CHERP: variants seen among roughly 807,000 people sequenced by gnomAD.
The protein encoded by CHERP is ERPROT 213-21.
A neutral mutation model predicts 113.8 loss-of-function variants in CHERP; 8 were observed. The ratio of observed to expected loss-of-function variants is 0.07; its 90% CI spans 0.04 to 0.13. The LOEUF (loss-of-function observed/expected upper bound fraction) is 0.13, where lower values mean the gene tolerates loss of function less well. CHERP is among the 10% of genes least tolerant of loss of function. The pLI is 1.00. For missense variants in CHERP, 884 were observed against 1,298.2 expected (o/e 0.68, Z 4.90); for synonymous variants, 559 against 524.5 (o/e 1.07, Z -0.90).
intron 2 of CHERP, among the ~76,000 whole-genome samples, chr19:16,538,049 G>A (rs2085753134): frequency 6.6e-6 from 1 of 152,104 alleles, no homozygotes; most frequent in East Asian, 1.9e-4. Flanking sequence ...GTGCAGAACT[G>A]GCTGTACTGT....
chr19:16,523,432 G>A lies in CHERP; in HGVS notation c.1742-142C>T, dbSNP rs2085635291. 2 of 959,970 alleles carry A rather than the reference G, an allele frequency of 2.1e-6. No individual in the cohort carries two copies. Among genetic ancestry groups the A allele is most frequent in the East Asian group, 2.9e-5 (1 of 34,866 alleles). 59.5% of individuals were successfully genotyped at this position (959,970 alleles called of 1,614,324 possible). A position where few individuals can be genotyped will look rare whatever the true frequency, so the allele number is the denominator to read the frequency against. ...TCCAGCATCTTCTCTCACTGCTTAA[G>A]ACCAGGCAGCAAGGCACCGAGGAGC... On this transcript the variant is annotated intron_variant, in intron 10 of 16. Transcript: ENST00000546361. The surrounding 1 kb of genome is among the most constrained non-coding windows in gnomAD (Gnocchi z 4.0).
intron 3 of CHERP, among the ~76,000 whole-genome samples, chr19:16,533,480 G>C (rs2085720731): frequency 6.6e-6 from 1 of 152,210 alleles, no homozygotes; most frequent in Admixed American, 6.5e-5. Context: ...AACAAAGGCG[G>C]GGCGCGGTGG....
rs1422362817 is a variant in CHERP, at chr19:16,542,335, C to T, written c.25+19G>A. 30 of 1,413,394 alleles carry T rather than the reference C, an allele frequency of 2.1e-5. No homozygotes were observed. The highest frequency in any genetic ancestry group is 9.0e-5 in the Admixed American group (3 of 33,438). The allele number at this position is 1,413,394 out of a possible 1,614,324, so 87.6% of individuals were successfully genotyped here. ...TTCCGGGGAGAGAGAAACGGTCTCT[C>T]GGCCGGTTTGGGTCTCACCATCGGG... On this transcript the variant is annotated intron_variant, in intron 1 of 16. Coordinates refer to ENST00000546361, the MANE Select transcript of CHERP (RefSeq NM_006387.6).
rs556172922 is a variant in CHERP at position 16,532,390 on chromosome 19, C to T, written c.674+208G>A. The T allele has an allele frequency of 4.1e-5, 24 of 590,952 alleles. No homozygotes were observed. Among genetic ancestry groups the T allele is most frequent in the African/African-American group, 2.4e-4 (13 of 53,646 alleles). The allele number at this position is 590,952 out of a possible 1,614,324, so 36.6% of individuals were successfully genotyped here. A position where few individuals can be genotyped will look rare whatever the true frequency, so the allele number is the denominator to read the frequency against. On this transcript the variant is annotated intron_variant, in intron 5 of 16. Coordinates refer to ENST00000546361, the MANE Select transcript of CHERP (RefSeq NM_006387.6). The surrounding 1 kb of genome is among the most constrained non-coding windows in gnomAD (Gnocchi z 4.4). ...CTAGGGGAGAGGACAGGGCATGCAGCGAAGGTGCACAGGACACCTAGACCT... is the reference window on the plus strand; with the variant it reads ...CTAGGGGAGAGGACAGGGCATGCAGTGAAGGTGCACAGGACACCTAGACCT...
rs12460141 is a variant in CHERP, at chr19:16,519,413, G to C, written c.2558-61C>G. 10,376 of 1,524,104 alleles carry C rather than the reference G, an allele frequency of 6.8e-3. 737 individuals carry two copies. In the Admixed American group the frequency reaches 0.14, roughly 21 times the overall value. The allele number at this position is 1,524,104 out of a possible 1,614,324, so 94.4% of individuals were successfully genotyped here. On this transcript the variant is annotated intron_variant, in intron 16 of 16. Coordinates refer to ENST00000546361, the MANE Select transcript of CHERP (RefSeq NM_006387.6). This position sits in a 1 kb window ranked among gnomAD's most constrained non-coding sequence, Gnocchi z 6.0. ...CGGAGGCAGATGGGGGTGCACGTGG[G>C]GGGCTGAATGTCCAGACAGGCAGTG...
At position 16,525,850 on chromosome 19, in the gene CHERP, G is replaced by C. The variant is rs945673122; in HGVS notation, c.1306-173C>G. ...CGAGGATGCTGGGCACCTGCTCTCA[G>C]CCCGCACCACATGCTGCTGCAAAAT... On this transcript the variant is annotated intron_variant, in intron 9 of 16. Transcript: ENST00000546361. The surrounding 1 kb of genome is among the most constrained non-coding windows in gnomAD (Gnocchi z 6.5). Among the ~76,000 whole-genome samples the C allele has an allele frequency of 6.6e-6, 1 of 152,186 alleles. No individual in the cohort carries two copies. The highest frequency in any genetic ancestry group is 1.5e-5 in the Non-Finnish European group (1 of 68,022).
chr19:16,522,326 T>C (rs2085624127), intron 11 of CHERP, among the ~76,000 whole-genome samples: 1 of 151,204 alleles, frequency 6.6e-6, no homozygotes, highest in Non-Finnish European at 1.5e-5. Flanking sequence ...TGGCGTGATC[T>C]CGGCTCAGTG....
In CHERP at chr19:16,518,881, T is replaced by G. The variant is rs1477681007; in HGVS notation, c.*278A>C. Reference sequence around the variant, plus strand: ...CTGAAGAATTTACTCGGGCGGAGGGTCTTGTGTTTTTTGCTTCGCTATAAA... The same window carrying G: ...CTGAAGAATTTACTCGGGCGGAGGGGCTTGTGTTTTTTGCTTCGCTATAAA... On this transcript the variant is annotated 3_prime_UTR_variant, in exon 17 of 17. Coordinates refer to ENST00000546361, the MANE Select transcript of CHERP (RefSeq NM_006387.6). The G allele has an allele frequency of 4.4e-6, 2 of 457,650 alleles. No homozygotes were observed. The highest frequency in any genetic ancestry group is 2.7e-5 in the South Asian group (1 of 37,592). The allele number at this position is 457,650 out of a possible 1,614,324, so 28.3% of individuals were successfully genotyped here.
rs539098917 is a variant in CHERP at position 16,525,312 on chromosome 19, C to A, written c.1671G>T (p.Pro557=). Reference sequence around the variant, plus strand: ...GCGGCCGCTCGAAGGGGTGCCGTGGCGGGAAGTCGTCCTGCATGAAGCGGG... The same window carrying A: ...GCGGCCGCTCGAAGGGGTGCCGTGGAGGGAAGTCGTCCTGCATGAAGCGGG... ...FPPRFMQDDF[P]PRHPFERPPY... The change falls in exon 10 of 17, where the codon CCG becomes CCT. Residue 557 remains proline (P), a synonymous_variant. Transcript: ENST00000546361. This position sits in a 1 kb window ranked among gnomAD's most constrained non-coding sequence, Gnocchi z 6.5. The A allele has an allele frequency of 2.1e-6, 3 of 1,455,806 alleles. No homozygotes were observed. The highest frequency in any genetic ancestry group is 5.5e-5 in the Admixed American group (2 of 36,302). 90.2% of individuals were successfully genotyped at this position (1,455,806 alleles called of 1,614,324 possible). A position where few individuals can be genotyped will look rare whatever the true frequency, so the allele number is the denominator to read the frequency against.
At position 16,532,591 on chromosome 19, in the gene CHERP, C is replaced by T. The variant is rs531358501; in HGVS notation, c.674+7G>A. On this transcript the variant is annotated splice_region_variant and intron_variant, in intron 5 of 16. Transcript: ENST00000546361. The surrounding 1 kb of genome is among the most constrained non-coding windows in gnomAD (Gnocchi z 4.4). ...TGGCGCTCTGGGCACGGGGTGGCGG[C>T]GCTCACCAGTGGTGCAGCACGTCAT... 12 of 1,589,556 alleles carry T rather than the reference C, an allele frequency of 7.5e-6. No individual in the cohort carries two copies. The highest frequency in any genetic ancestry group is 5.6e-5 in the South Asian group (5 of 89,842).
chr19:16,534,465 C>T (rs1010247089), intron 3 of CHERP, among the ~76,000 whole-genome samples: 1 of 151,990 alleles, frequency 6.6e-6, no homozygotes, highest in Non-Finnish European at 1.5e-5. Flanking sequence ...TGGCAATGCA[C>T]TTGTAGTATT....
chr19:16,535,782 AC>A lies in CHERP; in HGVS notation c.200-147del. Reference sequence around the variant, plus strand: ...TGTTCATAGCCTCATGCCCACGCAAACCAGCTCCTCCTAGTCTCGGGTCCTG... The same window carrying A: ...TGTTCATAGCCTCATGCCCACGCAAACAGCTCCTCCTAGTCTCGGGTCCTG... On this transcript the variant is annotated intron_variant, in intron 2 of 16. Coordinates refer to ENST00000546361, the MANE Select transcript of CHERP (RefSeq NM_006387.6). This position sits in a 1 kb window ranked among gnomAD's most constrained non-coding sequence, Gnocchi z 4.3. The A allele has an allele frequency of 1.4e-6, 1 of 729,490 alleles. No homozygotes were observed. The highest frequency in any genetic ancestry group is 2.2e-6 in the Non-Finnish European group (1 of 464,894). 45.2% of individuals were successfully genotyped at this position (729,490 alleles called of 1,614,324 possible).
Position 16,519,552 on chromosome 19 carries a change from G to A in CHERP, c.2557+69C>T. On this transcript the variant is annotated intron_variant, in intron 16 of 16. Coordinates refer to ENST00000546361, the MANE Select transcript of CHERP (RefSeq NM_006387.6). This position sits in a 1 kb window ranked among gnomAD's most constrained non-coding sequence, Gnocchi z 6.0. ...CCCCACATGCACTGAGGAAGAGAAA[G>A]CGCTGGTGACTCCCGGGCCCAGCAC... is the stretch of plus-strand genomic sequence containing the variant. 1 of 1,420,082 alleles carries A rather than the reference G, an allele frequency of 7.0e-7. No individual in the cohort carries two copies. Among genetic ancestry groups the A allele is most frequent in the South Asian group, 1.2e-5 (1 of 86,736 alleles). The allele number at this position is 1,420,082 out of a possible 1,614,324, so 88.0% of individuals were successfully genotyped here. A position where few individuals can be genotyped will look rare whatever the true frequency, so the allele number is the denominator to read the frequency against.
intron 2 of CHERP, among the ~76,000 whole-genome samples, chr19:16,538,818 C>T (rs2063428796): frequency 6.6e-6 from 1 of 151,164 alleles, no homozygotes; most frequent in South Asian, 2.1e-4. Flanking sequence ...GCCCTTAGCT[C>T]AGTCACCCAA....
At chr19:16,521,070 C>T in intron 12 of CHERP, 158 bp from the exon 13 acceptor site, 1 of 672,268 alleles carries the variant, frequency 1.5e-6, no homozygotes, top group African/African-American at 1.8e-5. Flanking sequence ...TTCAGTGTTC[C>T]CACAGGGCTG....
chr19:16,521,493 G>T, intron 12 of CHERP, 28 bp downstream of exon 12: 1 of 1,536,054 alleles, frequency 6.5e-7, no homozygotes, highest in Non-Finnish European at 8.8e-7. Context: ...GAGGCCTCCC[G>T]CCCACCCCAC....
In CHERP at chr19:16,525,549, C is replaced by A. The variant is rs1443318171; in HGVS notation, c.1434G>T (p.Ala478=). 8.4e-6 allele frequency: 13 copies of A among 1,543,140 alleles called. No homozygotes were observed. Among genetic ancestry groups the A allele is most frequent in the South Asian group, 3.6e-5 (3 of 84,108 alleles). ...CGGCGTCGGGCTGGTTGTTCCAGGG[C>A]GCGTCGCGCTGGCCGTTCCAGCCGG... ...GDPGWNGQRD[A]PWNNQPDAAW... is the part of the protein sequence containing the mutation. Residue 478 remains alanine, a synonymous_variant, in exon 10 of 17, where the codon GCG becomes GCT. Coordinates refer to ENST00000546361, the MANE Select transcript of CHERP (RefSeq NM_006387.6). This position sits in a 1 kb window ranked among gnomAD's most constrained non-coding sequence, Gnocchi z 6.5.
Position 16,535,640 on chromosome 19 carries a change from GAGGGAGAGGA to G in CHERP, c.200-14_200-5del, listed in dbSNP as rs1425543655. 6.6e-7 allele frequency: 1 copy of G among 1,503,866 alleles called. No homozygotes were observed. The highest frequency in any genetic ancestry group is 2.5e-5 in the East Asian group (1 of 40,690). 93.2% of individuals were successfully genotyped at this position (1,503,866 alleles called of 1,614,324 possible). ...GGGGTCTGCTGCTTGCAGATGACTG[GAGGGAGAGGA>G]GGAGGGGTGCCCCATGAGAATGCAG... On this transcript the variant is annotated splice_region_variant and splice_polypyrimidine_tract_variant and intron_variant, in intron 2 of 16. Transcript: ENST00000546361. This position sits in a 1 kb window ranked among gnomAD's most constrained non-coding sequence, Gnocchi z 4.3.
In CHERP at chr19:16,530,995, C is replaced by A; in HGVS notation, c.675-115G>T. Reference sequence around the variant, plus strand: ...TCTGCCTTCTCGGGAATCGGGTCCCCAACCCGGTCAGGGCGATGGCTGGGC... The same window carrying A: ...TCTGCCTTCTCGGGAATCGGGTCCCAAACCCGGTCAGGGCGATGGCTGGGC... On this transcript the variant is annotated intron_variant, in intron 5 of 16. Transcript: ENST00000546361. The surrounding 1 kb of genome is among the most constrained non-coding windows in gnomAD (Gnocchi z 4.1). 6.8e-7 allele frequency: 1 copy of A among 1,477,792 alleles called. No homozygotes were observed. The highest frequency in any genetic ancestry group is 9.0e-7 in the Non-Finnish European group (1 of 1,110,392). 91.5% of individuals were successfully genotyped at this position (1,477,792 alleles called of 1,614,324 possible).
Sources: allele counts gnomAD v4.1 joint callset (sites outside exome capture counted in the v4.1 genomes callset), GRCh38; gene constraint gnomAD v4.1.1; non-coding constraint Gnocchi (gnomAD v3.1); transcripts MANE v1.5; gene names NCBI Gene and HGNC (gene_info 2026-07-23, HGNC 2026-07-21).